The following PCDH9 variants were observed in gnomAD, a reference collection of about 807,000 sequenced individuals.
PCDH9 encodes protocadherin-9.
Under a neutral mutation model 70.6 loss-of-function variants are expected in PCDH9, and 24 were observed. The observed-to-expected ratio is 0.34, with a 90% CI of 0.25 to 0.48. PCDH9 has a LOEUF of 0.48. PCDH9 is among the 20% of genes least tolerant of loss of function. The pLI is 0.99. For synonymous variants in PCDH9, 562 were observed against 558.5 expected (o/e 1.01, Z -0.09); for missense variants, 1,281 against 1,503.6 (o/e 0.85, Z 2.45).
intron 4 of PCDH9, among the ~76,000 whole-genome samples, chr13:66,420,669 C>T (rs1957550578): frequency 6.6e-6 from 1 of 152,124 alleles, no homozygotes; most frequent in Non-Finnish European, 1.5e-5. Flanking sequence ...AGGCAAACCT[C>T]CATCCGAAGG....
At chr13:66,801,718 T>C (rs1478916229) in intron 3 of PCDH9, among the ~76,000 whole-genome samples, 1 of 152,074 alleles carries the variant, frequency 6.6e-6, no homozygotes, top group East Asian at 1.9e-4. Flanking sequence ...TTTTTGGTTA[T>C]TTAAAAAATA....
intron 4 of PCDH9, among the ~76,000 whole-genome samples, chr13:66,448,810 C>A (rs1009801311): frequency 4.2e-5 from 6 of 144,196 alleles, no homozygotes; most frequent in Non-Finnish European, 7.5e-5. Context: ...TTTTTGTAGT[C>A]ATACAATCAA....
chr13:67,036,514 A>G (rs963687908), intron 2 of PCDH9, among the ~76,000 whole-genome samples: 12 of 152,206 alleles, frequency 7.9e-5, no homozygotes, highest in Admixed American at 6.6e-5. Flanking sequence ...TCAAACTGCC[A>G]TGCAACTTCA....
chr13:67,047,839 A>G (rs955827892), intron 2 of PCDH9, among the ~76,000 whole-genome samples: 5 of 152,190 alleles, frequency 3.3e-5, no homozygotes, highest in African/African-American at 1.2e-4. Context: ...AGGTTGATTT[A>G]AGGACCCACA....
At chr13:66,718,233 C>T (rs2078896579) in intron 3 of PCDH9, among the ~76,000 whole-genome samples, 1 of 152,094 alleles carries the variant, frequency 6.6e-6, no homozygotes, top group Non-Finnish European at 1.5e-5. Context: ...GCTAATTTAT[C>T]CTGAGACCCG....
At chr13:66,524,978 G>T (rs1960149990) in intron 4 of PCDH9, among the ~76,000 whole-genome samples, 1 of 152,050 alleles carries the variant, frequency 6.6e-6, no homozygotes, top group South Asian at 2.1e-4. Flanking sequence ...GTGTGTGCAT[G>T]TGAGAGAGAG....
chr13:66,693,493 A>G (rs2078516712), intron 3 of PCDH9, among the ~76,000 whole-genome samples: 1 of 152,176 alleles, frequency 6.6e-6, no homozygotes, highest in African/African-American at 2.4e-5. Context: ...AAAATTAGTA[A>G]ATGATCATAA....
At chr13:67,066,096 A>G (rs1444342958) in intron 2 of PCDH9, among the ~76,000 whole-genome samples, 1 of 152,120 alleles carries the variant, frequency 6.6e-6, no homozygotes, top group Admixed American at 6.6e-5. Context: ...AAATGATATA[A>G]TGTGTGTGCT....
At position 67,177,084 on chromosome 13, in the gene PCDH9, C is replaced by A. The variant is rs1302283038; in HGVS notation, c.3036+48321G>T. Among the ~76,000 whole-genome samples, 45 of 152,140 alleles carry A rather than the reference C, an allele frequency of 3.0e-4. 1 individual carries two copies. The highest frequency in any genetic ancestry group is 1.8e-4 in the Non-Finnish European group (12 of 67,960). ...TGAATAAGGAACACTGGGTCCAGCC[C>A]ATGGCAAGTATTCAATAAAGTACCT... On this transcript the variant is annotated intron_variant, in intron 2 of 4. Coordinates refer to ENST00000377865, the MANE Select transcript of PCDH9 (RefSeq NM_203487.3).
intron 4 of PCDH9, among the ~76,000 whole-genome samples, chr13:66,525,163 C>T (rs549169582): frequency 5.9e-5 from 9 of 152,194 alleles, no homozygotes; most frequent in Admixed American, 2.0e-4. Flanking sequence ...TTCTCTACAA[C>T]GGCAATTTTA....
At chr13:66,877,111 A>G (rs1331206554) in intron 3 of PCDH9, among the ~76,000 whole-genome samples, 1 of 151,934 alleles carries the variant, frequency 6.6e-6, no homozygotes, top group Non-Finnish European at 1.5e-5. Context: ...AAATATATTT[A>G]TATTTAAAAT....
chr13:67,074,983 T>A (rs1270184404), intron 2 of PCDH9, among the ~76,000 whole-genome samples: 1 of 152,116 alleles, frequency 6.6e-6, no homozygotes, highest in Non-Finnish European at 1.5e-5. Context: ...TTAGACATTT[T>A]TTTTTAGGTG....
chr13:67,223,106 T>C (rs1013308161), intron 2 of PCDH9: 1 of 152,122 alleles, frequency 6.6e-6, no homozygotes, highest in South Asian at 2.1e-4. Context: ...AACATTGGAA[T>C]ACCCATAGGA....
chr13:66,957,157 G>T (rs2083276836), intron 2 of PCDH9, among the ~76,000 whole-genome samples: 1 of 152,130 alleles, frequency 6.6e-6, no homozygotes, highest in East Asian at 1.9e-4. Flanking sequence ...AATTACATTT[G>T]CACTTTGGCA....
chr13:67,193,092 A>G (rs775720242), intron 2 of PCDH9, among the ~76,000 whole-genome samples: 10 of 152,126 alleles, frequency 6.6e-5, no homozygotes, highest in Non-Finnish European at 1.5e-4. Flanking sequence ...AATTAATACT[A>G]TGTTCAAATG....
At chr13:66,674,850 T>C (rs1414577981) in intron 3 of PCDH9, among the ~76,000 whole-genome samples, 1 of 152,072 alleles carries the variant, frequency 6.6e-6, no homozygotes, top group East Asian at 1.9e-4. Flanking sequence ...TATATGAAAA[T>C]CTAGATTGAG....
intron 2 of PCDH9, among the ~76,000 whole-genome samples, chr13:67,062,273 G>A (rs2085554018): frequency 6.6e-6 from 1 of 152,142 alleles, no homozygotes; most frequent in Non-Finnish European, 1.5e-5. Context: ...GCACATTTAA[G>A]CTTGTGACCT....
At chr13:66,862,869 T>C (rs935491745) in intron 3 of PCDH9, among the ~76,000 whole-genome samples, 6 of 152,124 alleles carry the variant, frequency 3.9e-5, no homozygotes, top group African/African-American at 1.4e-4. Flanking sequence ...CATAATTTTT[T>C]TTAATAACAA....
intron 4 of PCDH9, among the ~76,000 whole-genome samples, chr13:66,349,773 A>C (rs2138166853): frequency 6.6e-6 from 1 of 152,288 alleles, no homozygotes; most frequent in East Asian, 1.9e-4. Flanking sequence ...ACCAGTTACG[A>C]GCTAAGAGAA....
Sources: allele counts gnomAD v4.1 joint callset (sites outside exome capture counted in the v4.1 genomes callset), GRCh38; gene constraint gnomAD v4.1.1; transcripts MANE v1.5; gene names NCBI Gene and HGNC (gene_info 2026-07-23, HGNC 2026-07-21).